FSTL5: variants seen among roughly 807,000 people sequenced by gnomAD.
The protein encoded by FSTL5 is follistatin like 5.
A neutral mutation model predicts 89.1 loss-of-function variants in FSTL5; 62 were observed. That is an observed-to-expected ratio of 0.70 (90% CI 0.57 to 0.86). The LOEUF is 0.86. FSTL5 is among the 40% of genes least tolerant of loss of function. FSTL5 has a pLI of 0.00. For synonymous variants in FSTL5, 383 were observed against 346.2 expected, an observed-to-expected ratio of 1.11 and a Z score of -1.18; for missense variants, 1,057 against 1,001.6, an observed-to-expected ratio of 1.06 and a Z score of -0.75.
intron 6 of FSTL5, among the ~76,000 whole-genome samples, chr4:161,700,557 G>A (rs1738352620): frequency 6.6e-6 from 1 of 151,470 alleles, no homozygotes; most frequent in South Asian, 2.1e-4. Flanking sequence ...TGTATATTTG[G>A]TAGAGATGAG....
intron 3 of FSTL5, among the ~76,000 whole-genome samples, chr4:161,931,098 C>G (rs1734272677): frequency 6.6e-6 from 1 of 151,770 alleles, no homozygotes; most frequent in Admixed American, 6.6e-5. Context: ...ATATTTTAAG[C>G]AAAGGTATGA....
At position 161,676,458 on chromosome 4, in the gene FSTL5, A is replaced by G. The variant is rs933466573; in HGVS notation, c.728-19964T>C. ...CATAAGTGGGAGTTGAACAATGAGA[A>G]CACATGGACACAGGGAGGGGAACAT... On this transcript the variant is annotated intron_variant, in intron 6 of 15. Coordinates refer to ENST00000306100, the MANE Select transcript of FSTL5 (RefSeq NM_020116.5). Among the ~76,000 whole-genome samples the G allele has an allele frequency of 2.0e-5, 3 of 152,172 alleles. No individual in the cohort carries two copies. In the South Asian group the frequency reaches 6.2e-4, roughly 32 times the overall value.
intron 1 of FSTL5, among the ~76,000 whole-genome samples, chr4:162,114,182 C>A (rs1044521445): frequency 1.3e-5 from 2 of 151,984 alleles, no homozygotes; most frequent in African/African-American, 4.8e-5. Flanking sequence ...CAACCCATCC[C>A]CCTTTTTTTT....
intron 10 of FSTL5, among the ~76,000 whole-genome samples, chr4:161,514,825 T>C (rs1730761952): frequency 6.6e-6 from 1 of 152,110 alleles, no homozygotes; most frequent in African/African-American, 2.4e-5. Flanking sequence ...ATAAGATCAA[T>C]TATTTAGCAA....
intron 2 of FSTL5, among the ~76,000 whole-genome samples, chr4:162,034,011 A>C (rs758402163): frequency 2.0e-5 from 3 of 152,004 alleles, no homozygotes; most frequent in Admixed American, 2.0e-4. Flanking sequence ...TATTTTGCCC[A>C]GGTTGGTCTT....
chr4:161,566,135 T>TACATAC (rs1732806993), intron 8 of FSTL5, among the ~76,000 whole-genome samples: 2 of 55,148 alleles, frequency 3.6e-5, no homozygotes, highest in Non-Finnish European at 6.6e-5. Flanking sequence ...TATATATATA[T>TACATAC]ACACACACAC....
intron 6 of FSTL5, among the ~76,000 whole-genome samples, chr4:161,677,253 CAAT>C (rs1335329685): frequency 6.6e-6 from 1 of 151,028 alleles, no homozygotes; most frequent in Non-Finnish European, 1.5e-5. Context: ...AGAAAGAATA[CAAT>C]GAGACAGAAA....
At chr4:162,119,581 G>A (rs1731777960) in intron 1 of FSTL5, among the ~76,000 whole-genome samples, 1 of 152,194 alleles carries the variant, frequency 6.6e-6, no homozygotes, top group East Asian at 1.9e-4. Context: ...CATTTTTAAT[G>A]TATAGGCATA....
chr4:161,918,939 G>A (rs1733916350), intron 4 of FSTL5, among the ~76,000 whole-genome samples: 1 of 152,032 alleles, frequency 6.6e-6, no homozygotes, highest in Non-Finnish European at 1.5e-5. Context: ...CACCATGCCA[G>A]GACCCCACAT....
intron 6 of FSTL5, among the ~76,000 whole-genome samples, chr4:161,691,838 C>A (rs748463267): frequency 2.0e-5 from 3 of 152,012 alleles, no homozygotes; most frequent in Non-Finnish European, 4.4e-5. Context: ...TGTATAGAAG[C>A]ACCACTAATT....
intron 3 of FSTL5, among the ~76,000 whole-genome samples, chr4:161,964,035 T>A (rs927239957): frequency 3.3e-5 from 5 of 151,980 alleles, no homozygotes; most frequent in African/African-American, 9.7e-5. Flanking sequence ...GTAATACCCT[T>A]TTTTCTCTAG....
At chr4:161,686,985 C>T (rs768702520) in intron 6 of FSTL5, among the ~76,000 whole-genome samples, 8 of 152,150 alleles carry the variant, frequency 5.3e-5, no homozygotes, top group Non-Finnish European at 8.8e-5. Flanking sequence ...GCCGACATTG[C>T]GTATTATCAT....
chr4:161,931,850 T>C (rs1293277152), intron 3 of FSTL5, among the ~76,000 whole-genome samples: 3 of 151,970 alleles, frequency 2.0e-5, no homozygotes, highest in Non-Finnish European at 4.4e-5. Context: ...CATTCTAAAA[T>C]GGTCATTTTT....
intron 11 of FSTL5, among the ~76,000 whole-genome samples, chr4:161,509,795 T>C (rs1002327202): frequency 6.6e-6 from 1 of 152,166 alleles, no homozygotes; most frequent in Non-Finnish European, 1.5e-5. Context: ...CTTCCCAGCC[T>C]TTGTGACTAA....
chr4:161,851,739 T>C (rs968249215), intron 4 of FSTL5, among the ~76,000 whole-genome samples: 1 of 92,598 alleles, frequency 1.1e-5, no homozygotes, highest in African/African-American at 3.8e-5. Flanking sequence ...TTTCCTCTAT[T>C]ATTTAGAGAA....
At chr4:162,120,375 C>T (rs1161552297) in intron 1 of FSTL5, among the ~76,000 whole-genome samples, 2 of 152,076 alleles carry the variant, frequency 1.3e-5, no homozygotes, top group Admixed American at 1.3e-4. Flanking sequence ...AAACCATCCA[C>T]ACCTTGAAAA....
chr4:161,559,295 C>CT (rs1732502477), intron 8 of FSTL5, among the ~76,000 whole-genome samples: 2 of 151,758 alleles, frequency 1.3e-5, no homozygotes, highest in Admixed American at 1.3e-4. Flanking sequence ...CTGATGACTC[C>CT]TAAAATAACT....
rs528028939 is a variant in FSTL5 at position 162,044,368 on chromosome 4, A to G, written c.127-10710T>C. On this transcript the variant is annotated intron_variant, in intron 2 of 15. Transcript: ENST00000306100. ...TTAAAAGGAATCTTTTTTCTGAGCA[A>G]TCGTTCAATAATGAGCTTAAAATAT... Among the ~76,000 whole-genome samples the G allele has an allele frequency of 4.6e-5, 7 of 152,272 alleles. No individual in the cohort carries two copies. The East Asian group carries it at 5.8e-4, about 13-fold the overall frequency.
chr4:161,695,704 C>A (rs1235266265), intron 6 of FSTL5, among the ~76,000 whole-genome samples: 1 of 151,754 alleles, frequency 6.6e-6, no homozygotes, highest in African/African-American at 2.4e-5. Flanking sequence ...TTTTCATTTC[C>A]CTGATCATTA....
Sources: allele counts gnomAD v4.1 joint callset (sites outside exome capture counted in the v4.1 genomes callset), GRCh38; gene constraint gnomAD v4.1.1; transcripts MANE v1.5; gene names NCBI Gene and HGNC (gene_info 2026-07-23, HGNC 2026-07-21).